Variants in PID1 observed in about 807,000 individuals in gnomAD.
The protein encoded by PID1 is PTB-containing, cubilin and LRP1-interacting protein.
In PID1, 10 loss-of-function variants were observed where a neutral mutation model predicts 19.1. The observed-to-expected ratio is 0.52, with a 90% confidence interval of 0.32 to 0.89. The LOEUF (loss-of-function observed/expected upper bound fraction) is 0.89, where lower values mean the gene tolerates loss of function less well. PID1 is among the 40% of genes least tolerant of loss of function. The pLI, the probability that PID1 is intolerant of heterozygous loss-of-function variation, is 0.03. For missense variants in PID1, 248 were observed against 285.3 expected, an observed-to-expected ratio of 0.87 and a Z score of 0.94; for synonymous variants, 130 against 116.0, an observed-to-expected ratio of 1.12 and a Z score of -0.78.
intron 2 of PID1, among the ~76,000 whole-genome samples, chr2:229,138,331 T>G (rs1399904278): frequency 6.6e-6 from 1 of 152,198 alleles, no homozygotes; most frequent in African/African-American, 2.4e-5. Flanking sequence ...TTTTAACTCA[T>G]GCAGTTTCCC....
intron 1 of PID1, among the ~76,000 whole-genome samples, chr2:229,188,321 C>T (rs1691178788): frequency 1.3e-5 from 2 of 149,280 alleles, no homozygotes; most frequent in South Asian, 4.2e-4. Flanking sequence ...TTGCTTCTCC[C>T]CTGAAAAAAA....
intron 2 of PID1, among the ~76,000 whole-genome samples, chr2:229,112,484 T>C (rs988742112): frequency 5.9e-5 from 9 of 152,050 alleles, no homozygotes; most frequent in African/African-American, 2.2e-4. Context: ...AAATATTATT[T>C]ATTTATTTAT....
chr2:229,050,238 G>A (rs115830279), intron 2 of PID1, among the ~76,000 whole-genome samples: 184 of 152,198 alleles, frequency 1.2e-3, no homozygotes, highest in African/African-American at 4.2e-3. Context: ...CCATTAGAGC[G>A]TGTGGTCATT....
At chr2:229,067,191 A>G (rs1302476938) in intron 2 of PID1, among the ~76,000 whole-genome samples, 1 of 152,128 alleles carries the variant, frequency 6.6e-6, no homozygotes, top group Non-Finnish European at 1.5e-5. Flanking sequence ...ACTTACTATC[A>G]TGAGAACAGC....
intron 1 of PID1, chr2:229,236,364 G>T (rs996327139): frequency 6.6e-6 from 1 of 152,180 alleles, no homozygotes; most frequent in African/African-American, 2.4e-5. Flanking sequence ...GATTTGGAGA[G>T]TTAGGCATCC....
In PID1 at chr2:229,024,446, T is replaced by C. The variant is rs1450154421; in HGVS notation, c.*1186A>G. The stretch of plus-strand genomic sequence containing the variant: ...ATGAAATTAAGAAATCTCAGGATTG[T>C]TTTAGTGAGAACTTCCCATTCAAAA... On this transcript the variant is annotated 3_prime_UTR_variant, in exon 3 of 3. Transcript: ENST00000392055. The C allele has an allele frequency of 6.6e-6, 1 of 152,606 alleles. No individual in the cohort carries two copies. The highest frequency in any genetic ancestry group is 1.5e-5 in the Non-Finnish European group (1 of 68,028). 9.5% of individuals were successfully genotyped at this position (152,606 alleles called of 1,614,324 possible).
intron 2 of PID1, among the ~76,000 whole-genome samples, chr2:229,067,866 G>A (rs1188697987): frequency 6.6e-6 from 1 of 152,174 alleles, no homozygotes; most frequent in Non-Finnish European, 1.5e-5. Flanking sequence ...TGCTATTCCA[G>A]CTACTGGAGC....
At chr2:229,066,845 C>A (rs1033357129) in intron 2 of PID1, among the ~76,000 whole-genome samples, 9 of 152,054 alleles carry the variant, frequency 5.9e-5, no homozygotes, top group African/African-American at 2.2e-4. Context: ...TTTGGCCGAT[C>A]CACTCATACG....
rs543197477 is a variant in PID1 at position 229,264,629 on chromosome 2, G to A, written c.30+6385C>T. The stretch of plus-strand genomic sequence containing the variant: ...AATAAAAGGAGCTTCCCCAAGTGAG[G>A]AGACAGAGACAAGTGGACAGTGAGC... On this transcript the variant is annotated intron_variant, in intron 1 of 2. Coordinates refer to ENST00000392055, the MANE Select transcript of PID1 (RefSeq NM_001100818.2). 2.0e-5 allele frequency among the ~76,000 whole-genome samples: 3 copies of A among 152,316 alleles called. No homozygotes were observed. In the South Asian group the frequency reaches 6.2e-4, roughly 32 times the overall value.
chr2:229,249,415 GA>G lies in PID1; in HGVS notation c.30+21598del, dbSNP rs1275710836. On this transcript the variant is annotated intron_variant, in intron 1 of 2. Coordinates refer to ENST00000392055, the MANE Select transcript of PID1 (RefSeq NM_001100818.2). ...ACCTTTCCATCCACAGAAATTAAGA[GA>G]GATGACAAAAAATAAATTATAAAAT... 1.3e-5 allele frequency among the ~76,000 whole-genome samples: 2 copies of G among 152,114 alleles called. 1 individual carries two copies. The highest frequency in any genetic ancestry group is 2.9e-5 in the Non-Finnish European group (2 of 68,030).
intron 1 of PID1, among the ~76,000 whole-genome samples, chr2:229,251,795 A>T (rs1020870992): frequency 6.6e-6 from 1 of 152,174 alleles, no homozygotes; most frequent in Admixed American, 6.5e-5. Context: ...TGAGGTAGAC[A>T]TTCAGTGCAT....
At chr2:229,098,807 T>G (rs1695021488) in intron 2 of PID1, among the ~76,000 whole-genome samples, 1 of 152,158 alleles carries the variant, frequency 6.6e-6, no homozygotes, top group Non-Finnish European at 1.5e-5. Flanking sequence ...TCAGAGCAAG[T>G]GAGGAGTTAA....
At chr2:229,192,779 G>A (rs571130628) in intron 1 of PID1, among the ~76,000 whole-genome samples, 1 of 152,194 alleles carries the variant, frequency 6.6e-6, no homozygotes, top group East Asian at 1.9e-4. Flanking sequence ...TTCAATAAAT[G>A]TTTAGTTTTA....
intron 1 of PID1, chr2:229,236,310 G>A (rs1327925992): frequency 2.0e-5 from 3 of 152,158 alleles, no homozygotes; most frequent in Non-Finnish European, 4.4e-5. Flanking sequence ...GAAGAGGGAG[G>A]AACAGGGGCC....
intron 2 of PID1, among the ~76,000 whole-genome samples, chr2:229,112,575 T>A (rs1695319697): frequency 6.6e-6 from 1 of 152,158 alleles, no homozygotes; most frequent in Admixed American, 6.5e-5. Flanking sequence ...AAGTTCTGCC[T>A]CCCGGGTTCA....
intron 1 of PID1, among the ~76,000 whole-genome samples, chr2:229,204,071 G>A (rs1691554407): frequency 2.6e-5 from 4 of 151,998 alleles, no homozygotes; most frequent in Non-Finnish European, 4.4e-5. Context: ...AACTAAACTT[G>A]TTTCTCTCTT....
At position 229,073,126 on chromosome 2, in the gene PID1, C is replaced by T. The variant is rs181965488; in HGVS notation, c.178-47018G>A. 1.6e-4 allele frequency among the ~76,000 whole-genome samples: 24 copies of T among 152,314 alleles called. No individual in the cohort carries two copies. In the East Asian group the frequency reaches 4.6e-3, roughly 29 times the overall value. On this transcript the variant is annotated intron_variant, in intron 2 of 2. Coordinates refer to ENST00000392055, the MANE Select transcript of PID1 (RefSeq NM_001100818.2). ...CTGCAAGCTCCGTCTCTCAGGTTCA[C>T]ACCATTCTCCTGCCTCAGCCTCCTG...
intron 2 of PID1, among the ~76,000 whole-genome samples, chr2:229,053,570 C>T (rs1459558262): frequency 6.6e-6 from 1 of 152,178 alleles, no homozygotes; most frequent in Non-Finnish European, 1.5e-5. Flanking sequence ...CAAGGAAGGT[C>T]TCCCCCAGCA....
At chr2:229,146,743 C>T (rs1037629765) in intron 2 of PID1, among the ~76,000 whole-genome samples, 5 of 151,982 alleles carry the variant, frequency 3.3e-5, no homozygotes, top group Non-Finnish European at 7.4e-5. Flanking sequence ...GATTATCCAA[C>T]GGGCACTAAG....
Sources: allele counts gnomAD v4.1 joint callset (sites outside exome capture counted in the v4.1 genomes callset), GRCh38; gene constraint gnomAD v4.1.1; transcripts MANE v1.5; gene names NCBI Gene and HGNC (gene_info 2026-07-23, HGNC 2026-07-21).